Variants in NDFIP2 observed in about 807,000 individuals in gnomAD.
NDFIP2 encodes the protein Nedd4 family interacting protein 2.
Under a neutral mutation model 36.0 loss-of-function variants are expected in NDFIP2, and 19 were observed. The ratio of observed to expected loss-of-function variants is 0.53; its 90% CI spans 0.37 to 0.77. The LOEUF (loss-of-function observed/expected upper bound fraction) is 0.77, where lower values mean the gene tolerates loss of function less well. Ranked by LOEUF, NDFIP2 falls within the 30% of genes least tolerant of loss-of-function variation. The pLI is 0.00. For synonymous variants in NDFIP2, 181 were observed against 167.7 expected, an observed-to-expected ratio of 1.08 and a Z score of -0.61; for missense variants, 446 against 435.8, an observed-to-expected ratio of 1.02 and a Z score of -0.21.
chr13:79,481,647 T>G, intron 1 of NDFIP2, 123 bp downstream of exon 1: 8 of 1,244,764 alleles, frequency 6.4e-6, no homozygotes, highest in Non-Finnish European at 7.7e-6. Flanking sequence ...TTTGTTTTGT[T>G]TTTTTGGATC....
In NDFIP2 at chr13:79,507,398, C is replaced by T. The variant is rs1476446154; in HGVS notation, c.322-13412C>T. On this transcript the variant is annotated intron_variant, in intron 1 of 7. Transcript: ENST00000218652. ...ACGCCATTCTCCTGCCTCAGCCTCC[C>T]AAGTAGCTGGGACTACAGGCGCCCG... Among the ~76,000 whole-genome samples, 2 of 62,400 alleles carry T rather than the reference C, an allele frequency of 3.2e-5. 1 individual carries two copies. Among genetic ancestry groups the T allele is most frequent in the Admixed American group, 3.4e-4 (2 of 5,846 alleles). The allele number at this position is 62,400 out of a possible 152,430, so 40.9% of individuals were successfully genotyped here. A position where few individuals can be genotyped will look rare whatever the true frequency, so the allele number is the denominator to read the frequency against.
At chr13:79,520,768 T>G (rs776000863) in intron 1 of NDFIP2, 42 bp from the exon 2 acceptor site, 17 of 1,511,406 alleles carry the variant, frequency 1.1e-5, no homozygotes, top group Non-Finnish European at 1.5e-5. Context: ...TAAAAAATAA[T>G]TAGCATTACA....
Position 79,505,889 on chromosome 13 carries a change from A to G in NDFIP2, c.322-14921A>G, listed in dbSNP as rs138313950. Among the ~76,000 whole-genome samples the G allele has an allele frequency of 1.2e-4, 19 of 152,142 alleles. No homozygotes were observed. In the East Asian group the frequency reaches 1.4e-3, roughly 11 times the overall value. ...GTGGATACATGCTGGTATTTACTCTATGTATTATTAGTGTTAAATTATTGA... is the reference window on the plus strand; with the variant it reads ...GTGGATACATGCTGGTATTTACTCTGTGTATTATTAGTGTTAAATTATTGA... On this transcript the variant is annotated intron_variant, in intron 1 of 7. Transcript: ENST00000218652.
chr13:79,523,481 A>G (rs1468543419), intron 2 of NDFIP2, among the ~76,000 whole-genome samples: 1 of 152,118 alleles, frequency 6.6e-6, no homozygotes, highest in African/African-American at 2.4e-5. Flanking sequence ...CGGCCTCCCA[A>G]AGTGCCGGGA....
chr13:79,538,661 C>T (rs1383930636), intron 3 of NDFIP2, among the ~76,000 whole-genome samples: 2 of 152,154 alleles, frequency 1.3e-5, no homozygotes, highest in Non-Finnish European at 1.5e-5. Context: ...CGGCTCACTG[C>T]AGCTGCTACC....
rs571917324 is a variant in NDFIP2 at position 79,481,673 on chromosome 13, C to T, written c.321+149C>T. On this transcript the variant is annotated intron_variant, in intron 1 of 7. Coordinates refer to ENST00000218652, the MANE Select transcript of NDFIP2 (RefSeq NM_019080.3). Reference sequence around the variant, plus strand: ...TTTTTGGATCTTCTGGCTGGAGCTGCTTCACTCGCCTCACCTGCGCACTCC... The same window carrying T: ...TTTTTGGATCTTCTGGCTGGAGCTGTTTCACTCGCCTCACCTGCGCACTCC... The T allele has an allele frequency of 8.1e-6, 8 of 989,218 alleles. No homozygotes were observed. The East Asian group carries it at 1.6e-4, about 20-fold the overall frequency. 61.3% of individuals were successfully genotyped at this position (989,218 alleles called of 1,614,324 possible).
At chr13:79,517,097 A>AT (rs1033038115) in intron 1 of NDFIP2, among the ~76,000 whole-genome samples, 30 of 151,248 alleles carry the variant, frequency 2.0e-4, no homozygotes, top group African/African-American at 6.1e-4. Context: ...CTCTGTTGTC[A>AT]TTTTTTTTTC....
At position 79,555,890 on chromosome 13, in the gene NDFIP2, C is replaced by T. The variant is rs1029023100; in HGVS notation, c.*3377C>T. The T allele has an allele frequency of 2.0e-5, 3 of 152,116 alleles. No homozygotes were observed. Among genetic ancestry groups the T allele is most frequent in the South Asian group, 4.2e-4 (2 of 4,816 alleles). 9.4% of individuals were successfully genotyped at this position (152,116 alleles called of 1,614,324 possible). A position where few individuals can be genotyped will look rare whatever the true frequency, so the allele number is the denominator to read the frequency against. ...TCCTTTTCAAAATCAGTTTAAGATT[C>T]GCATATTATCATGACTGTGACCTCA... On this transcript the variant is annotated 3_prime_UTR_variant, in exon 8 of 8. Transcript: ENST00000218652.
At chr13:79,551,165 T>A in intron 7 of NDFIP2, 43 bp downstream of exon 7, 8 of 1,263,010 alleles carry the variant, frequency 6.3e-6, no homozygotes, top group Non-Finnish European at 8.8e-6. Flanking sequence ...TCCCTTTATG[T>A]ATTCAAATTT....
At chr13:79,506,651 T>A (rs538367907) in intron 1 of NDFIP2, among the ~76,000 whole-genome samples, 1 of 152,040 alleles carries the variant, frequency 6.6e-6, no homozygotes, top group Non-Finnish European at 1.5e-5. Flanking sequence ...TTAAAAAATA[T>A]AGGCAGTACA....
intron 1 of NDFIP2, among the ~76,000 whole-genome samples, chr13:79,515,135 A>T (rs182591571): frequency 6.6e-6 from 1 of 152,178 alleles, no homozygotes; most frequent in African/African-American, 2.4e-5. Flanking sequence ...CTTGTACAGC[A>T]TGTTACTGTA....
At position 79,481,262 on chromosome 13, in the gene NDFIP2, C is replaced by CGCGCGGCGCCCCGGAGCTTCT; in HGVS notation, c.60_80dup (p.Ala23_Gly29dup). 1 of 1,536,300 alleles carries CGCGCGGCGCCCCGGAGCTTCT rather than the reference C, an allele frequency of 6.5e-7. No individual in the cohort carries two copies. The highest frequency in any genetic ancestry group is 8.7e-7 in the Non-Finnish European group (1 of 1,146,066). ...AGCGGTCCGAGCATGCTCAATAGCG[C>CGCGCGGCGCCCCGGAGCTTCT]GCGCGGCGCCCCGGAGCTTCTCCGC... On this transcript the variant is annotated inframe_insertion, in exon 1 of 8. Transcript: ENST00000218652.
intron 1 of NDFIP2, among the ~76,000 whole-genome samples, chr13:79,502,583 A>G (rs1324760007): frequency 6.6e-6 from 1 of 152,198 alleles, no homozygotes; most frequent in East Asian, 1.9e-4. Flanking sequence ...GGGAATAGTT[A>G]TCAGGAAGCT....
chr13:79,488,721 A>G (rs1042874989), intron 1 of NDFIP2, among the ~76,000 whole-genome samples: 1 of 152,316 alleles, frequency 6.6e-6, no homozygotes, highest in East Asian at 1.9e-4. Flanking sequence ...GGTGTTGGTT[A>G]ATAAGACAGT....
intron 1 of NDFIP2, among the ~76,000 whole-genome samples, chr13:79,493,681 T>A (rs1566654311): frequency 6.6e-6 from 1 of 152,108 alleles, no homozygotes; most frequent in South Asian, 2.1e-4. Flanking sequence ...TTAAAATACA[T>A]CAAGGATCCT....
intron 2 of NDFIP2, 87 bp from the exon 3 acceptor site, chr13:79,533,236 G>A (rs1165513936): frequency 3.3e-6 from 4 of 1,217,438 alleles, no homozygotes; most frequent in Non-Finnish European, 2.3e-6. Context: ...TCCTGTATTG[G>A]TGGCCAGTTG....
intron 1 of NDFIP2, among the ~76,000 whole-genome samples, chr13:79,494,552 T>A (rs1017926209): frequency 2.6e-5 from 4 of 152,036 alleles, no homozygotes; most frequent in Non-Finnish European, 5.9e-5. Flanking sequence ...AGTTCCTTTT[T>A]TCTTTGAAGA....
At chr13:79,493,653 G>A (rs1054105941) in intron 1 of NDFIP2, among the ~76,000 whole-genome samples, 12 of 152,102 alleles carry the variant, frequency 7.9e-5, no homozygotes, top group African/African-American at 2.7e-4. Context: ...TTTTATTACC[G>A]TAAACGTAGC....
chr13:79,493,859 C>T (rs1234328098), intron 1 of NDFIP2, among the ~76,000 whole-genome samples: 1 of 152,012 alleles, frequency 6.6e-6, no homozygotes, highest in South Asian at 2.1e-4. Context: ...CTGGATTTAG[C>T]TTGTAGGTGT....
Sources: allele counts gnomAD v4.1 joint callset (sites outside exome capture counted in the v4.1 genomes callset), GRCh38; gene constraint gnomAD v4.1.1; transcripts MANE v1.5; gene names NCBI Gene and HGNC (gene_info 2026-07-23, HGNC 2026-07-21).